NAV3: variants seen among roughly 807,000 people sequenced by gnomAD.
NAV3 encodes the protein neuron navigator 3, also known as pore membrane and/or filament interacting like protein 1.
NAV3 carries 87 observed loss-of-function variants against 244.7 expected under a neutral mutation model. The observed-to-expected ratio is 0.36, with a 90% CI of 0.30 to 0.42. NAV3 has a LOEUF of 0.42. NAV3 is among the 20% of genes least tolerant of loss of function. The pLI is 1.00. For missense variants in NAV3, 2,663 were observed against 2,893.3 expected (o/e 0.92, Z 1.83); for synonymous variants, 1,126 against 1,042.2 (o/e 1.08, Z -1.55).
chr12:77,693,848 GT>G (rs1243048949), intron 2 of NAV3, among the ~76,000 whole-genome samples: 1 of 151,450 alleles, frequency 6.6e-6, no homozygotes, highest in East Asian at 1.9e-4. Context: ...TCTTTTTTTT[GT>G]GTGCCATTTT....
chr12:77,616,147 C>T (rs942795726), intron 2 of NAV3, among the ~76,000 whole-genome samples: 2 of 152,134 alleles, frequency 1.3e-5, no homozygotes, highest in Non-Finnish European at 2.9e-5. Context: ...GTGGCTCACT[C>T]CTGTAATCCC....
At chr12:77,974,150 T>C (rs1293983471) in intron 5 of NAV3, among the ~76,000 whole-genome samples, 1 of 152,090 alleles carries the variant, frequency 6.6e-6, no homozygotes, top group Non-Finnish European at 1.5e-5. Context: ...TTAAGTTTCT[T>C]AAATTCATTA....
chr12:78,010,002 G>T (rs961787239), intron 8 of NAV3, among the ~76,000 whole-genome samples: 1 of 152,068 alleles, frequency 6.6e-6, no homozygotes, highest in African/African-American at 2.4e-5. Flanking sequence ...ATGACTTGAG[G>T]CCAGGACTTT....
chr12:77,922,104 G>A (rs985312331), intron 1 of NAV3, among the ~76,000 whole-genome samples: 7 of 152,112 alleles, frequency 4.6e-5, no homozygotes, highest in Admixed American at 3.3e-4. Flanking sequence ...GGTCATATGC[G>A]TAGCAGAAGC....
intron 1 of NAV3, among the ~76,000 whole-genome samples, chr12:77,908,301 C>T (rs1347324813): frequency 6.6e-6 from 1 of 151,902 alleles, no homozygotes; most frequent in African/African-American, 2.4e-5. Context: ...AAAACATATG[C>T]CTCAAGAAAG....
At chr12:77,659,029 C>T (rs1332411584) in intron 2 of NAV3, among the ~76,000 whole-genome samples, 3 of 151,784 alleles carry the variant, frequency 2.0e-5, no homozygotes, top group African/African-American at 4.8e-5. Context: ...TAGGCATTAC[C>T]ATTCAGGACA....
At chr12:77,701,940 T>C (rs186255660) in intron 2 of NAV3, among the ~76,000 whole-genome samples, 39 of 152,180 alleles carry the variant, frequency 2.6e-4, no homozygotes, top group African/African-American at 9.1e-4. Flanking sequence ...GAGCAAGATA[T>C]GCACTCTATT....
intron 2 of NAV3, among the ~76,000 whole-genome samples, chr12:77,741,616 G>T (rs187735018): frequency 2.8e-4 from 43 of 152,170 alleles, no homozygotes; most frequent in Non-Finnish European, 1.5e-5. Context: ...CAAATAGTTT[G>T]TCTGATAAAT....
chr12:77,748,185 G>C (rs566990911), intron 2 of NAV3, among the ~76,000 whole-genome samples: 1 of 152,246 alleles, frequency 6.6e-6, no homozygotes, highest in South Asian at 2.1e-4. Flanking sequence ...GCTATCTCCT[G>C]CTACTGGTGA....
At chr12:78,167,447 C>T (rs914321616) in intron 23 of NAV3, among the ~76,000 whole-genome samples, 19 of 150,538 alleles carry the variant, frequency 1.3e-4, no homozygotes, top group African/African-American at 4.1e-4. Flanking sequence ...GTCAGGTATC[C>T]GATGAAAATA....
At chr12:78,114,633 A>G (rs1465441187) in intron 12 of NAV3, among the ~76,000 whole-genome samples, 1 of 152,156 alleles carries the variant, frequency 6.6e-6, no homozygotes, top group East Asian at 1.9e-4. Flanking sequence ...ATTACCTCCC[A>G]ACGGGTTCCT....
At chr12:77,596,695 G>A (rs1870183615) in intron 2 of NAV3, among the ~76,000 whole-genome samples, 1 of 152,088 alleles carries the variant, frequency 6.6e-6, no homozygotes, top group Non-Finnish European at 1.5e-5. Flanking sequence ...TTAATACAGA[G>A]TAATCAATTA....
intron 23 of NAV3, among the ~76,000 whole-genome samples, chr12:78,163,140 G>A (rs1012962721): frequency 6.6e-6 from 1 of 151,290 alleles, no homozygotes; most frequent in Non-Finnish European, 1.5e-5. Context: ...ACTAAATTAA[G>A]ACTCAGATTC....
chr12:77,955,070 C>T (rs1891240436), intron 3 of NAV3, among the ~76,000 whole-genome samples: 1 of 152,126 alleles, frequency 6.6e-6, no homozygotes, highest in African/African-American at 2.4e-5. Context: ...CTCCAGATTT[C>T]AGGATTTGTG....
intron 2 of NAV3, among the ~76,000 whole-genome samples, chr12:77,786,887 T>G (rs566368956): frequency 6.4e-4 from 98 of 152,286 alleles, no homozygotes; most frequent in Non-Finnish European, 9.6e-4. Context: ...TCATCCCCAG[T>G]GCTGTCATGC....
At chr12:78,017,082 G>A (rs1233484072) in intron 8 of NAV3, among the ~76,000 whole-genome samples, 1 of 152,008 alleles carries the variant, frequency 6.6e-6, no homozygotes, top group Non-Finnish European at 1.5e-5. Context: ...TGTTACCTAG[G>A]GCAACTTATT....
rs552265355 is a variant in NAV3, at chr12:78,000,652, C to T, written c.880+2176C>T. ...CCGAGTAGCTGGGACTACAGGCGCC[C>T]GCCACCACGCCCGGCTAATTTTTTG... On this transcript the variant is annotated intron_variant, in intron 7 of 39. Coordinates refer to ENST00000397909, the MANE Select transcript of NAV3 (RefSeq NM_001024383.2). Among the ~76,000 whole-genome samples, 1,208 of 134,100 alleles carry T rather than the reference C, an allele frequency of 9.0e-3. 15 individuals carry two copies. Among genetic ancestry groups the T allele is most frequent in the Non-Finnish European group, 0.015 (979 of 63,436 alleles). The allele number at this position is 134,100 out of a possible 152,430, so 88.0% of individuals were successfully genotyped here.
chr12:78,118,217 G>A lies in NAV3; in HGVS notation c.2960G>A (p.Gly987Asp), dbSNP rs772234299. The A allele has an allele frequency of 6.2e-7, 1 of 1,613,856 alleles. No homozygotes were observed. Among genetic ancestry groups the A allele is most frequent in the Non-Finnish European group, 8.5e-7 (1 of 1,179,940 alleles). ...GCTTCCCTGTCTGTTTCACAGACAGGTTCCTGGAGAAGAGGCATGTCTGCC... is the reference window on the plus strand; with the variant it reads ...GCTTCCCTGTCTGTTTCACAGACAGATTCCTGGAGAAGAGGCATGTCTGCC... ...QKASLSVSQT[G>D]SWRRGMSAQG... The change falls in exon 14 of 40, where the codon GGT becomes GAT. Residue 987 changes from glycine (G) to aspartate (D), a missense_variant. Gly to Asp is a moderately conservative substitution (Grantham distance 94). This residue lies in a region of NAV3 where 1,521 missense variants were observed against 1,497.0 expected (regional missense o/e 1.02). Transcript: ENST00000397909.
chr12:77,682,940 A>G (rs1015414998), intron 2 of NAV3, among the ~76,000 whole-genome samples: 1 of 152,098 alleles, frequency 6.6e-6, no homozygotes, highest in Non-Finnish European at 1.5e-5. Flanking sequence ...ATGACCTGCA[A>G]ATATATTCTT....
Sources: gnomAD v4.1 joint callset for allele counts (sites outside exome capture counted in the v4.1 genomes callset) on GRCh38, gnomAD v4.1.1 for gene constraint, gnomAD v4.1.1 regional missense constraint, MANE v1.5 for transcripts, NCBI Gene and HGNC (gene_info 2026-07-23, HGNC 2026-07-21) for gene names.